Variants in DIAPH3 observed in about 807,000 individuals in gnomAD.
The protein encoded by DIAPH3 is diaphanous related formin 3, also known as protein diaphanous homolog 3.
A neutral mutation model predicts 144.3 loss-of-function variants in DIAPH3; 117 were observed. The ratio of observed to expected loss-of-function variants is 0.81; its 90% CI spans 0.70 to 0.95. DIAPH3 has a LOEUF of 0.95. Among genes scored for constraint, DIAPH3 ranks in the 40% least tolerant of loss-of-function variants. The probability of loss-of-function intolerance (pLI) is 0.00; values close to 1 mark genes in which losing one functional copy is unlikely to be tolerated. For synonymous variants in DIAPH3, 519 were observed against 488.9 expected (o/e 1.06, Z -0.81); for missense variants, 1,421 against 1,412.7 (o/e 1.01, Z -0.09).
intron 4 of DIAPH3, among the ~76,000 whole-genome samples, chr13:60,068,276 C>T (rs1278839667): frequency 1.3e-5 from 2 of 152,170 alleles, no homozygotes; most frequent in Non-Finnish European, 2.9e-5. Flanking sequence ...TTTTCATAGA[C>T]ATTTCAGATA....
At chr13:59,973,986 C>T (rs901429262) in intron 15 of DIAPH3, among the ~76,000 whole-genome samples, 8 of 151,926 alleles carry the variant, frequency 5.3e-5, no homozygotes, top group Non-Finnish European at 1.2e-4. Flanking sequence ...GACCCCTAGG[C>T]TGAAGGTTTT....
At chr13:59,906,479 ATTT>A (rs2046746580) in intron 20 of DIAPH3, among the ~76,000 whole-genome samples, 6 of 152,204 alleles carry the variant, frequency 3.9e-5, no homozygotes, top group Admixed American at 3.3e-4. Context: ...TTTCTATGTT[ATTT>A]GAATGTTTTA....
At chr13:59,913,103 C>T (rs1018082807) in intron 19 of DIAPH3, among the ~76,000 whole-genome samples, 15 of 152,154 alleles carry the variant, frequency 9.9e-5, no homozygotes, top group African/African-American at 3.4e-4. Context: ...TTCTAGTTGA[C>T]AGCTGGATTG....
intron 21 of DIAPH3, among the ~76,000 whole-genome samples, chr13:59,869,367 T>A (rs2044120942): frequency 6.6e-6 from 1 of 152,152 alleles, no homozygotes; most frequent in African/African-American, 2.4e-5. Context: ...GGTCTGATAA[T>A]TTAATTTGAC....
intron 23 of DIAPH3, among the ~76,000 whole-genome samples, chr13:59,834,353 A>G (rs1237482269): frequency 6.6e-6 from 1 of 151,740 alleles, no homozygotes; most frequent in African/African-American, 2.4e-5. Flanking sequence ...AAGTCCTTTT[A>G]CTAACTTTGA....
At chr13:59,758,438 A>C (rs1454793716) in intron 27 of DIAPH3, among the ~76,000 whole-genome samples, 2 of 152,226 alleles carry the variant, frequency 1.3e-5, no homozygotes, top group Admixed American at 1.3e-4. Flanking sequence ...TGGAAAGAAC[A>C]AGGTAAAGCT....
chr13:59,896,257 T>C (rs773262518), intron 20 of DIAPH3, among the ~76,000 whole-genome samples: 22 of 152,210 alleles, frequency 1.4e-4, no homozygotes, highest in Admixed American at 5.2e-4. Flanking sequence ...ACATACTTTG[T>C]GAACTGTAAG....
At chr13:59,931,461 T>C (rs192304707) in intron 17 of DIAPH3, among the ~76,000 whole-genome samples, 1 of 152,278 alleles carries the variant, frequency 6.6e-6, no homozygotes, top group East Asian at 1.9e-4. Flanking sequence ...TCTATCACCA[T>C]TGTTCTGACT....
chr13:59,680,179 C>T (rs1488689853), intron 27 of DIAPH3, among the ~76,000 whole-genome samples: 2 of 152,036 alleles, frequency 1.3e-5, no homozygotes, highest in African/African-American at 4.8e-5. Flanking sequence ...AACACACACA[C>T]CTACACATTA....
At chr13:60,023,532 C>T (rs1217223673) in intron 5 of DIAPH3, among the ~76,000 whole-genome samples, 1 of 151,812 alleles carries the variant, frequency 6.6e-6, no homozygotes, top group African/African-American at 2.4e-5. Flanking sequence ...CTCCTGGATT[C>T]AAGCAATTAT....
intron 27 of DIAPH3, among the ~76,000 whole-genome samples, chr13:59,688,325 G>T (rs1319569666): frequency 2.0e-5 from 3 of 151,792 alleles, no homozygotes; most frequent in Admixed American, 6.6e-5. Context: ...AATGTCTCTA[G>T]ACTTCTATTT....
Position 59,714,167 on chromosome 13 carries a change from C to T in DIAPH3, c.3320-47321G>A, listed in dbSNP as rs569926232. On this transcript the variant is annotated intron_variant, in intron 27 of 27. Coordinates refer to ENST00000400324, the MANE Select transcript of DIAPH3 (RefSeq NM_001042517.2). ...CGAGGTCAGGAGATCGAGACCATCCCGGCTAACACGGTGAAACCCCGTCTC... is the reference window on the plus strand; with the variant it reads ...CGAGGTCAGGAGATCGAGACCATCCTGGCTAACACGGTGAAACCCCGTCTC... Among the ~76,000 whole-genome samples, 1,414 of 151,668 alleles carry T rather than the reference C, an allele frequency of 9.3e-3. 5 individuals are homozygous for T. Among genetic ancestry groups the T allele is most frequent in the Non-Finnish European group, 0.014 (953 of 67,854 alleles).
At chr13:59,871,202 G>T (rs1388369930) in intron 21 of DIAPH3, among the ~76,000 whole-genome samples, 1 of 144,866 alleles carries the variant, frequency 6.9e-6, no homozygotes, top group East Asian at 2.1e-4. Flanking sequence ...TTTTGGGGGG[G>T]GGGGTGGCGG....
intron 4 of DIAPH3, among the ~76,000 whole-genome samples, chr13:60,053,243 T>C (rs1208574534): frequency 6.6e-6 from 1 of 152,002 alleles, no homozygotes; most frequent in Non-Finnish European, 1.5e-5. Flanking sequence ...AAGGAAAGGA[T>C]ACTCACGGCT....
At chr13:60,008,119 C>T (rs979114236) in intron 9 of DIAPH3, among the ~76,000 whole-genome samples, 7 of 152,184 alleles carry the variant, frequency 4.6e-5, no homozygotes, top group African/African-American at 1.2e-4. Context: ...CTAGGCCGGA[C>T]GCAGTGGCTC....
At chr13:59,991,926 A>G (rs1014505378) in intron 11 of DIAPH3, 142 bp downstream of exon 11, 2 of 703,788 alleles carry the variant, frequency 2.8e-6, no homozygotes, top group South Asian at 1.7e-5. Flanking sequence ...ACAAATTAAT[A>G]AAATAATAAC....
intron 27 of DIAPH3, among the ~76,000 whole-genome samples, chr13:59,722,038 T>C (rs2035371056): frequency 6.6e-6 from 1 of 152,216 alleles, no homozygotes; most frequent in Non-Finnish European, 1.5e-5. Flanking sequence ...AAGCAGCTTT[T>C]ACACTTTATA....
At chr13:60,051,034 ATGAATACTGTCTAC>A (rs1382555490) in intron 4 of DIAPH3, among the ~76,000 whole-genome samples, 5 of 152,204 alleles carry the variant, frequency 3.3e-5, no homozygotes, top group African/African-American at 1.2e-4. Context: ...CAGCAAGTAA[ATGAATACTGTCTAC>A]TGATCACTGT....
At chr13:60,146,295 A>G (rs1321640597) in intron 1 of DIAPH3, among the ~76,000 whole-genome samples, 2 of 152,212 alleles carry the variant, frequency 1.3e-5, no homozygotes, top group African/African-American at 4.8e-5. Flanking sequence ...CCTATAAAAT[A>G]TGGTACCTGC....
Sources: allele counts gnomAD v4.1 joint callset (sites outside exome capture counted in the v4.1 genomes callset), GRCh38; gene constraint gnomAD v4.1.1; transcripts MANE v1.5; gene names NCBI Gene and HGNC (gene_info 2026-07-23, HGNC 2026-07-21).